The following TOX variants were observed in gnomAD, a reference collection of about 807,000 sequenced individuals.
The protein encoded by TOX is thymocyte selection-associated high mobility group box protein TOX.
TOX carries 11 observed loss-of-function variants against 53.7 expected under a neutral mutation model. The observed-to-expected ratio is 0.20, with a 90% CI of 0.13 to 0.34. The LOEUF is 0.34. Among genes scored for constraint, TOX ranks in the 10% least tolerant of loss-of-function variants. The pLI is 1.00. For synonymous variants in TOX, 225 were observed against 245.3 expected (o/e 0.92, Z 0.77); for missense variants, 570 against 664.6 (o/e 0.86, Z 1.56).
At chr8:58,829,778 G>T (rs1810422829) in intron 5 of TOX, among the ~76,000 whole-genome samples, 1 of 151,974 alleles carries the variant, frequency 6.6e-6, no homozygotes, top group South Asian at 2.1e-4. Flanking sequence ...ATGAATGAAT[G>T]ATAATGATAT....
At chr8:59,107,683 A>T (rs1804938643) in intron 1 of TOX, among the ~76,000 whole-genome samples, 1 of 152,202 alleles carries the variant, frequency 6.6e-6, no homozygotes, top group Non-Finnish European at 1.5e-5. Context: ...TGGGGACTCC[A>T]GCAGTGGGTG....
At chr8:58,810,672 C>G (rs372292542) in intron 7 of TOX, among the ~76,000 whole-genome samples, 2 of 152,006 alleles carry the variant, frequency 1.3e-5, no homozygotes, top group Non-Finnish European at 2.9e-5. Context: ...GAGTTTTACA[C>G]AGTTGACAAA....
intron 1 of TOX, among the ~76,000 whole-genome samples, chr8:59,074,764 A>G (rs1469910375): frequency 6.6e-6 from 1 of 152,158 alleles, no homozygotes; most frequent in Non-Finnish European, 1.5e-5. Context: ...CTTGAGCATT[A>G]AAGGAGCGAC....
chr8:59,015,765 C>A (rs1313625914), intron 1 of TOX, among the ~76,000 whole-genome samples: 5 of 151,972 alleles, frequency 3.3e-5, no homozygotes, highest in African/African-American at 1.2e-4. Context: ...GCTAGGAAAA[C>A]AATAAAAAAT....
At chr8:58,913,299 G>A (rs1269033460) in intron 3 of TOX, among the ~76,000 whole-genome samples, 9 of 152,128 alleles carry the variant, frequency 5.9e-5, no homozygotes, top group Admixed American at 5.2e-4. Flanking sequence ...CTGGGTGACA[G>A]AGAAAGACAC....
chr8:58,857,721 T>C (rs1328000991), intron 3 of TOX, among the ~76,000 whole-genome samples: 1 of 152,154 alleles, frequency 6.6e-6, no homozygotes, highest in African/African-American at 2.4e-5. Context: ...AGGCACAATA[T>C]TAGCTACATA....
rs1812814856 is a variant in TOX, at chr8:58,962,378, A to AGTT, written c.103-2371_103-2370insAAC. On this transcript the variant is annotated intron_variant, in intron 1 of 8. Transcript: ENST00000361421. ...TATCTTTACATGTATTAACTGATTT[A>AGTT]AGCATCACAAAACCAAGAGTTAGGT... is the stretch of plus-strand genomic sequence containing the variant. Among the ~76,000 whole-genome samples the AGTT allele has an allele frequency of 5.9e-5, 9 of 152,324 alleles. No individual in the cohort carries two copies. In the South Asian group the frequency reaches 1.9e-3, roughly 32 times the overall value.
At chr8:58,839,203 C>T (rs764376850) in intron 4 of TOX, among the ~76,000 whole-genome samples, 6 of 152,290 alleles carry the variant, frequency 3.9e-5, no homozygotes, top group East Asian at 1.9e-4. Context: ...AAAAGTTCTA[C>T]GATTTGCACT....
chr8:58,919,216 A>G (rs1812032152), intron 3 of TOX, among the ~76,000 whole-genome samples: 2 of 145,562 alleles, frequency 1.4e-5, no homozygotes. Context: ...TTTAAAGTTC[A>G]TATGGAACCA....
chr8:58,946,531 G>T (rs1812524854), intron 2 of TOX, among the ~76,000 whole-genome samples: 1 of 152,112 alleles, frequency 6.6e-6, no homozygotes, highest in Non-Finnish European at 1.5e-5. Flanking sequence ...GTCCAACAGT[G>T]CCATTGATAT....
At chr8:59,039,800 T>C (rs1490011710) in intron 1 of TOX, among the ~76,000 whole-genome samples, 1 of 152,340 alleles carries the variant, frequency 6.6e-6, no homozygotes, top group East Asian at 1.9e-4. Flanking sequence ...AAAAGCTTTA[T>C]GTATTTACTT....
intron 3 of TOX, among the ~76,000 whole-genome samples, chr8:58,909,324 C>T (rs932459860): frequency 2.6e-5 from 4 of 151,966 alleles, no homozygotes; most frequent in Admixed American, 1.3e-4. Flanking sequence ...CAGGCCTGCA[C>T]GTCCTGCACA....
At chr8:58,933,294 C>T (rs1812288684) in intron 3 of TOX, among the ~76,000 whole-genome samples, 1 of 152,138 alleles carries the variant, frequency 6.6e-6, no homozygotes, top group South Asian at 2.1e-4. Context: ...TTAAGTGCAG[C>T]GGTGAATATA....
intron 1 of TOX, among the ~76,000 whole-genome samples, chr8:59,046,451 G>T (rs1187298413): frequency 6.6e-6 from 1 of 152,128 alleles, no homozygotes; most frequent in Non-Finnish European, 1.5e-5. Context: ...CAATTTCAGA[G>T]AACTAAATAA....
At chr8:58,865,250 G>A (rs1404343120) in intron 3 of TOX, among the ~76,000 whole-genome samples, 3 of 152,054 alleles carry the variant, frequency 2.0e-5, no homozygotes, top group Non-Finnish European at 4.4e-5. Flanking sequence ...TAATGACTCT[G>A]GTGTGGTCCC....
At position 58,881,066 on chromosome 8, in the gene TOX, G is replaced by C. The variant is rs535249811; in HGVS notation, c.412-29261C>G. ...CAGGGGCCTCCCCTGTGTGGGAGGA[G>C]GTGGGGGGTGAGCGGGATTGAGCTA... On this transcript the variant is annotated intron_variant, in intron 3 of 8. Coordinates refer to ENST00000361421, the MANE Select transcript of TOX (RefSeq NM_014729.3). Among the ~76,000 whole-genome samples, 166 of 152,180 alleles carry C rather than the reference G, an allele frequency of 1.1e-3. 1 individual carries two copies. Among genetic ancestry groups the C allele is most frequent in the African/African-American group, 3.7e-3 (153 of 41,542 alleles).
intron 1 of TOX, among the ~76,000 whole-genome samples, chr8:59,040,212 C>G (rs1158808030): frequency 6.6e-6 from 1 of 150,604 alleles, no homozygotes; most frequent in Non-Finnish European, 1.5e-5. Flanking sequence ...GCCTGTAGTC[C>G]CAGCTACTTG....
chr8:58,829,141 T>C (rs1013629136), intron 5 of TOX, among the ~76,000 whole-genome samples: 1 of 152,110 alleles, frequency 6.6e-6, no homozygotes, highest in Non-Finnish European at 1.5e-5. Context: ...CTTTCATTGG[T>C]TTCTACTGAA....
intron 3 of TOX, among the ~76,000 whole-genome samples, chr8:58,874,228 T>G (rs923462805): frequency 2.6e-5 from 4 of 151,432 alleles, no homozygotes; most frequent in Non-Finnish European, 4.4e-5. Context: ...TTTGGTAGAT[T>G]TTTTTAAAAA....
Sources: gnomAD v4.1 joint callset for allele counts (sites outside exome capture counted in the v4.1 genomes callset) on GRCh38, gnomAD v4.1.1 for gene constraint, MANE v1.5 for transcripts, NCBI Gene and HGNC (gene_info 2026-07-23, HGNC 2026-07-21) for gene names.